Variants in TGFBRAP1 observed in about 807,000 individuals in gnomAD.
TGFBRAP1 encodes transforming growth factor beta receptor associated protein 1, also known as transforming growth factor-beta receptor-associated protein 1.
TGFBRAP1 carries 20 observed loss-of-function variants against 83.2 expected under a neutral mutation model. That is an observed-to-expected ratio of 0.24 (90% CI 0.17 to 0.35). TGFBRAP1 has a LOEUF of 0.35. Ranked by LOEUF, TGFBRAP1 falls within the 10% of genes least tolerant of loss-of-function variation. TGFBRAP1 has a pLI of 1.00. For synonymous variants in TGFBRAP1, 415 were observed against 459.8 expected, an observed-to-expected ratio of 0.90 and a Z score of 1.25; for missense variants, 950 against 1,099.4, an observed-to-expected ratio of 0.86 and a Z score of 1.92.
chr2:105,253,003 C>T, the TGFBRAP1 span, among the ~76,000 whole-genome samples: 1 of 152,208 alleles, frequency 6.6e-6, no homozygotes, highest in African/African-American at 2.4e-5. Context: ...ATCTGCCCGC[C>T]TCAGCCTCCC....
At chr2:105,301,707 T>C (rs1441621524) in intron 2 of TGFBRAP1, among the ~76,000 whole-genome samples, 1 of 152,214 alleles carries the variant, frequency 6.6e-6, no homozygotes, top group Non-Finnish European at 1.5e-5. Flanking sequence ...CCTGAAAATA[T>C]TGATACATTT....
Position 105,298,654 on chromosome 2 carries a change from G to A in TGFBRAP1, c.740C>T (p.Ser247Leu), listed in dbSNP as rs777172098. The A allele has an allele frequency of 7.4e-6, 12 of 1,613,604 alleles. No individual in the cohort carries two copies. The highest frequency in any genetic ancestry group is 4.0e-5 in the African/African-American group (3 of 74,894). The part of the protein sequence containing the change: ...GISQRAPVHW[S>L]ENVIGAAVSF... ...CACAGCCGCCCCAATCACATTCTCC[G>A]ACCAGTGCACGGGGGCGCGCTGGGA... The change falls in exon 3 of 12, where the codon TCG becomes TTG. Residue 247 changes from serine to leucine, a missense_variant. Transcript: ENST00000393359.
At chr2:105,289,443 C>T (rs956493503) in intron 4 of TGFBRAP1, among the ~76,000 whole-genome samples, 3 of 152,198 alleles carry the variant, frequency 2.0e-5, no homozygotes, top group Non-Finnish European at 2.9e-5. Flanking sequence ...TCATTCCTGT[C>T]CCTGCCAGCA....
rs1198445714 is a variant in TGFBRAP1 at position 105,314,249 on chromosome 2, CTT to C, written c.-17-5933_-17-5932del. ...AGGTACCCAGCCTGTAGTACTTTCTCTTTTTTTTTTTTTTTTTTTTTGAGACA... is the reference window on the plus strand; with the variant it reads ...AGGTACCCAGCCTGTAGTACTTTCTCTTTTTTTTTTTTTTTTTTTGAGACA... On this transcript the variant is annotated intron_variant, in intron 1 of 11. Transcript: ENST00000393359. 5.6e-3 allele frequency among the ~76,000 whole-genome samples: 670 copies of C among 118,588 alleles called. 4 individuals are homozygous for C. Among genetic ancestry groups the C allele is most frequent in the African/African-American group, 0.02 (579 of 28,590 alleles). The allele number at this position is 118,588 out of a possible 152,430, so 77.8% of individuals were successfully genotyped here.
intron 1 of TGFBRAP1, among the ~76,000 whole-genome samples, chr2:105,310,002 T>C (rs1678640746): frequency 6.6e-6 from 1 of 152,180 alleles, no homozygotes; most frequent in African/African-American, 2.4e-5. Flanking sequence ...GAGCCTACCA[T>C]GCCTTAATCT....
chr2:105,326,969 T>C (rs1396926447), intron 1 of TGFBRAP1, among the ~76,000 whole-genome samples: 1 of 152,192 alleles, frequency 6.6e-6, no homozygotes, highest in Non-Finnish European at 1.5e-5. Flanking sequence ...ATTTAGTAGG[T>C]ATTTATTTTT....
the TGFBRAP1 span, among the ~76,000 whole-genome samples, chr2:105,255,470 T>C: frequency 6.6e-6 from 1 of 152,158 alleles, no homozygotes; most frequent in African/African-American, 2.4e-5. Flanking sequence ...TACAGGCATG[T>C]GCCACCACAC....
chr2:105,267,173 TGTACATTCATAGAGCCTGGTCATTCC>T lies in TGFBRAP1; in HGVS notation c.*184_*209del. 1 of 32,390 alleles carries T rather than the reference TGTACATTCATAGAGCCTGGTCATTCC, an allele frequency of 3.1e-5. No homozygotes were observed. 2.0% of individuals were successfully genotyped at this position (32,390 alleles called of 1,614,324 possible). On this transcript the variant is annotated 3_prime_UTR_variant, in exon 12 of 12. Transcript: ENST00000393359. ...TTTGGGGATTTTTAGGGGTTTTCCA[TGTACATTCATAGAGCCTGGTCATTCC>T]ATGTACATTCATAGAGCCTGGTCAG...
chr2:105,293,470 C>T (rs1048629664), intron 4 of TGFBRAP1, among the ~76,000 whole-genome samples: 5 of 152,246 alleles, frequency 3.3e-5, no homozygotes, highest in South Asian at 2.1e-4. Flanking sequence ...CTCAGAGAAG[C>T]GAAACCAGCC....
At chr2:105,290,607 CAG>C (rs1289696732) in intron 4 of TGFBRAP1, among the ~76,000 whole-genome samples, 6 of 129,598 alleles carry the variant, frequency 4.6e-5, no homozygotes, top group Non-Finnish European at 8.2e-5. Flanking sequence ...AAGAGAGAAA[CAG>C]AGAGACAGTG....
At chr2:105,289,313 T>G (rs1347872585) in intron 4 of TGFBRAP1, among the ~76,000 whole-genome samples, 1 of 152,146 alleles carries the variant, frequency 6.6e-6, no homozygotes, top group Admixed American at 6.5e-5. Flanking sequence ...GACTTGCCAT[T>G]TGATTTTTCT....
chr2:105,273,962 C>G (rs1030025493), intron 8 of TGFBRAP1, among the ~76,000 whole-genome samples: 5 of 152,190 alleles, frequency 3.3e-5, no homozygotes, highest in Admixed American at 3.3e-4. Flanking sequence ...ACCCTGAAGT[C>G]CTCCTCACAC....
At chr2:105,306,030 C>G (rs1162391833) in intron 2 of TGFBRAP1, among the ~76,000 whole-genome samples, 4 of 151,626 alleles carry the variant, frequency 2.6e-5, no homozygotes, top group African/African-American at 7.3e-5. Flanking sequence ...TACCAGGAAC[C>G]CTTACGGAGT....
At chr2:105,306,747 C>T (rs1399064870) in intron 2 of TGFBRAP1, among the ~76,000 whole-genome samples, 1 of 151,918 alleles carries the variant, frequency 6.6e-6, no homozygotes, top group African/African-American at 2.4e-5. Context: ...TGCAGTGAGC[C>T]GATACTGTGC....
At chr2:105,299,195 C>T (rs1377685340) in intron 2 of TGFBRAP1, among the ~76,000 whole-genome samples, 1 of 152,082 alleles carries the variant, frequency 6.6e-6, no homozygotes, top group Non-Finnish European at 1.5e-5. Flanking sequence ...GTGGAAAGAT[C>T]ACTTGAGCCC....
At chr2:105,255,265 A>G in the TGFBRAP1 span, among the ~76,000 whole-genome samples, 1 of 152,168 alleles carries the variant, frequency 6.6e-6, no homozygotes, top group Non-Finnish European at 1.5e-5. Flanking sequence ...CCCTCCCAGC[A>G]TCAGCCAATT....
chr2:105,284,343 T>A lies in TGFBRAP1; in HGVS notation c.1094A>T (p.Gln365Leu). ...GAAGAGCTCTTTAGCTTCCAGGAAC[T>A]GAAGTTGTGCAAACTGTATAAATCC... ...QAGFIQFAQL[Q>L]FLEAKELFRS... Residue 365 changes from glutamine (Q) to leucine (L), a missense_variant, in exon 5 of 12, where the codon CAG becomes CTG. Transcript: ENST00000393359. 6.2e-7 allele frequency: 1 copy of A among 1,614,064 alleles called. No individual in the cohort carries two copies. The highest frequency in any genetic ancestry group is 8.5e-7 in the Non-Finnish European group (1 of 1,179,944).
intron 3 of TGFBRAP1, 49 bp from the exon 4 acceptor site, chr2:105,296,559 C>CA (rs761744192): frequency 3.8e-6 from 6 of 1,569,658 alleles, no homozygotes; most frequent in Middle Eastern, 1.7e-4. Context: ...ACACTGCCTG[C>CA]AAAAAAACAC....
Position 105,266,123 on chromosome 2 carries a change from CA to C in TGFBRAP1, c.*1259del, listed in dbSNP as rs763618081. The stretch of plus-strand genomic sequence containing the variant: ...GCTTCAGCTCGTCATCGATGTTATA[CA>C]GAAACACAAAAGGAATCCCCGGCCT... On this transcript the variant is annotated 3_prime_UTR_variant, in exon 12 of 12. Transcript: ENST00000393359. The C allele has an allele frequency of 6.6e-6, 1 of 152,268 alleles. No homozygotes were observed. Among genetic ancestry groups the C allele is most frequent in the African/African-American group, 2.4e-5 (1 of 41,464 alleles). The allele number at this position is 152,268 out of a possible 1,614,324, so 9.4% of individuals were successfully genotyped here. A position where few individuals can be genotyped will look rare whatever the true frequency, so the allele number is the denominator to read the frequency against.
Sources: allele counts gnomAD v4.1 joint callset (sites outside exome capture counted in the v4.1 genomes callset), GRCh38; gene constraint gnomAD v4.1.1; transcripts MANE v1.5; gene names NCBI Gene and HGNC (gene_info 2026-07-23, HGNC 2026-07-21).